The following KCNMA1 variants were observed in gnomAD, a reference collection of about 807,000 sequenced individuals.
KCNMA1 encodes the protein potassium calcium-activated channel subfamily M alpha 1.
A neutral mutation model predicts 140.0 loss-of-function variants in KCNMA1; 29 were observed. The observed-to-expected ratio is 0.21, with a 90% CI of 0.15 to 0.28. The LOEUF is 0.28. KCNMA1 is among the 10% of genes least tolerant of loss of function. The pLI, the probability that KCNMA1 is intolerant of heterozygous loss-of-function variation, is 1.00. For synonymous variants in KCNMA1, 612 were observed against 611.9 expected, an observed-to-expected ratio of 1.00 and a Z score of 0.00; for missense variants, 880 against 1,602.2, an observed-to-expected ratio of 0.55 and a Z score of 7.70.
At chr10:77,012,100 G>T (rs527379761) in intron 17 of KCNMA1, 57 bp from the exon 18 acceptor site, 28 of 1,611,246 alleles carry the variant, frequency 1.7e-5, no homozygotes, top group Admixed American at 1.5e-4. Context: ...AATGAAATGA[G>T]TACCACATTT....
chr10:77,378,474 C>G (rs367563245), intron 2 of KCNMA1, among the ~76,000 whole-genome samples: 1 of 152,202 alleles, frequency 6.6e-6, no homozygotes, highest in East Asian at 1.9e-4. Flanking sequence ...CATTTTCTAC[C>G]TTCAACACAA....
chr10:77,049,127 C>T (rs2095256035), intron 14 of KCNMA1, among the ~76,000 whole-genome samples: 1 of 152,154 alleles, frequency 6.6e-6, no homozygotes, highest in South Asian at 2.1e-4. Context: ...ATGGGAAATG[C>T]TAATCTAAAA....
At chr10:77,066,982 C>A (rs778167940) in intron 14 of KCNMA1, among the ~76,000 whole-genome samples, 45 of 152,160 alleles carry the variant, frequency 3.0e-4, no homozygotes, top group Non-Finnish European at 3.8e-4. Flanking sequence ...ATGCCTCCTT[C>A]AACCTGGTTA....
At chr10:76,969,111 A>C (rs948259524) in intron 20 of KCNMA1, among the ~76,000 whole-genome samples, 4 of 152,144 alleles carry the variant, frequency 2.6e-5, no homozygotes, top group Admixed American at 6.6e-5. Context: ...TGGGATTGGC[A>C]GATGAATTGA....
intron 19 of KCNMA1, chr10:76,975,534 C>T (rs2077215578): frequency 2.0e-5 from 3 of 152,240 alleles, no homozygotes; most frequent in Non-Finnish European, 4.4e-5. Context: ...ACTGCTGTTT[C>T]GGGATGGATC....
chr10:77,413,346 G>A (rs1243755632), intron 1 of KCNMA1, among the ~76,000 whole-genome samples: 1 of 152,052 alleles, frequency 6.6e-6, no homozygotes, highest in African/African-American at 2.4e-5. Context: ...GAATGCTGGG[G>A]CTGGGTCTTC....
chr10:77,560,169 C>A (rs1259862824), intron 1 of KCNMA1, among the ~76,000 whole-genome samples: 1 of 152,028 alleles, frequency 6.6e-6, no homozygotes, highest in African/African-American at 2.4e-5. Context: ...GGTGACAGTG[C>A]GAGACTCTGT....
intron 2 of KCNMA1, among the ~76,000 whole-genome samples, chr10:77,255,056 T>C (rs2060444331): frequency 1.3e-5 from 2 of 152,206 alleles, no homozygotes; most frequent in South Asian, 2.1e-4. Context: ...AAACTTGCCA[T>C]AGTCTGAGCT....
intron 2 of KCNMA1, among the ~76,000 whole-genome samples, chr10:77,331,185 C>A (rs1457823905): frequency 1.3e-5 from 2 of 152,110 alleles, no homozygotes; most frequent in East Asian, 3.9e-4. Context: ...CTTTTAAATC[C>A]CACGCTGGCC....
intron 2 of KCNMA1, among the ~76,000 whole-genome samples, chr10:77,313,438 G>C (rs553755580): frequency 7.2e-5 from 11 of 152,282 alleles, no homozygotes; most frequent in Admixed American, 1.3e-4. Flanking sequence ...GCCAGTCTCT[G>C]TTTTCTAGCA....
At chr10:77,544,909 C>T (rs971568229) in intron 1 of KCNMA1, among the ~76,000 whole-genome samples, 2 of 152,078 alleles carry the variant, frequency 1.3e-5, no homozygotes, top group Non-Finnish European at 2.9e-5. Context: ...AAGTCTAATC[C>T]CCTTCCATAA....
At chr10:77,052,620 C>CA (rs5786258) in intron 14 of KCNMA1, among the ~76,000 whole-genome samples, 114,099 of 141,538 alleles carry the variant, frequency 0.81, 45,688 homozygotes, top group Middle Eastern at 0.84. Context: ...GATGAGTGTG[C>CA]AAAAAAAAAA....
At chr10:76,889,838 A>G (rs530722244) in intron 26 of KCNMA1, 684 of 515,634 alleles carry the variant, frequency 1.3e-3, no homozygotes, top group Non-Finnish European at 1.9e-3. Context: ...GAAAGCTCTA[A>G]GGAGATTATG....
At chr10:77,282,754 G>A (rs1432499968) in intron 2 of KCNMA1, among the ~76,000 whole-genome samples, 2 of 118,726 alleles carry the variant, frequency 1.7e-5, no homozygotes, top group African/African-American at 5.4e-5. Context: ...CTGGGCGGGT[G>A]GTGTGCTCTG....
chr10:76,882,434 T>G (rs1360551920), downstream of KCNMA1, among the ~76,000 whole-genome samples: 1 of 152,082 alleles, frequency 6.6e-6, no homozygotes, highest in African/African-American at 2.4e-5. Context: ...GTCCCGCGCT[T>G]GTGATAGGCA....
chr10:77,505,488 C>T (rs975161034), intron 1 of KCNMA1, among the ~76,000 whole-genome samples: 12 of 152,188 alleles, frequency 7.9e-5, no homozygotes, highest in African/African-American at 2.7e-4. Context: ...GGGGTAGAAG[C>T]TTTGGTTGGG....
rs552428978 is a variant in KCNMA1, at chr10:77,530,208, G to T, written c.378+107057C>A. Among the ~76,000 whole-genome samples, 12 of 152,262 alleles carry T rather than the reference G, an allele frequency of 7.9e-5. No homozygotes were observed. The East Asian group carries it at 2.1e-3, about 27-fold the overall frequency. ...AACCCACCGAATGCAGCTGGGTCCTGTTCCAAAAACTCACTTCAAACAATG... is the reference window on the plus strand; with the variant it reads ...AACCCACCGAATGCAGCTGGGTCCTTTTCCAAAAACTCACTTCAAACAATG... On this transcript the variant is annotated intron_variant, in intron 1 of 27. Coordinates refer to ENST00000286628, the MANE Select transcript of KCNMA1 (RefSeq NM_001161352.2).
Position 76,920,840 on chromosome 10 carries a change from T to A in KCNMA1, c.2903-5791A>T, listed in dbSNP as rs567489221. Among the ~76,000 whole-genome samples, 6 of 152,352 alleles carry A rather than the reference T, an allele frequency of 3.9e-5. No individual in the cohort carries two copies. In the South Asian group the frequency reaches 1.2e-3, roughly 32 times the overall value. On this transcript the variant is annotated intron_variant, in intron 23 of 27. Transcript: ENST00000286628. ...TGAGGCCTGAGCCAGTCTTACTTTT[T>A]ATTGTTTTCACTTTTAAACAATAGC... is the stretch of plus-strand genomic sequence containing the variant.
intron 2 of KCNMA1, chr10:77,354,277 G>A (rs542361936): frequency 3.9e-5 from 6 of 152,394 alleles, no homozygotes; most frequent in African/African-American, 1.2e-4. Context: ...GACAGGGTAA[G>A]GATTTGAAAC....
Sources: allele counts gnomAD v4.1 joint callset (sites outside exome capture counted in the v4.1 genomes callset), GRCh38; gene constraint gnomAD v4.1.1; transcripts MANE v1.5; gene names NCBI Gene and HGNC (gene_info 2026-07-23, HGNC 2026-07-21).